The following EML1 variants were observed in gnomAD, a reference collection of about 807,000 sequenced individuals.
The protein encoded by EML1 is EMAP like 1, also known as echinoderm microtubule-associated protein-like 1.
A neutral mutation model predicts 110.4 loss-of-function variants in EML1; 27 were observed. The observed-to-expected ratio is 0.24, with a 90% CI of 0.18 to 0.34. EML1 has a LOEUF of 0.34. Among genes scored for constraint, EML1 ranks in the 10% least tolerant of loss-of-function variants. The probability of loss-of-function intolerance (pLI) is 1.00; values close to 1 mark genes in which losing one functional copy is unlikely to be tolerated. For missense variants in EML1, 741 were observed against 1,030.9 expected (o/e 0.72, Z 3.85); for synonymous variants, 344 against 385.8 (o/e 0.89, Z 1.27).
intron 1 of EML1, among the ~76,000 whole-genome samples, chr14:99,832,208 T>G (rs917301449): frequency 6.6e-6 from 1 of 152,210 alleles, no homozygotes; most frequent in African/African-American, 2.4e-5. Flanking sequence ...GTATCAATGT[T>G]AATATGTTTT....
chr14:99,802,940 C>T (rs527334433), intron 1 of EML1, among the ~76,000 whole-genome samples: 5 of 152,226 alleles, frequency 3.3e-5, no homozygotes, highest in African/African-American at 1.2e-4. Flanking sequence ...CTTTAGCACC[C>T]AGGGCCCCAC....
upstream of EML1, among the ~76,000 whole-genome samples, chr14:99,789,819 G>T (rs1003740713): frequency 6.6e-6 from 1 of 152,178 alleles, no homozygotes. Context: ...TTGTCCTACA[G>T]AGTACACATC....
intron 1 of EML1, among the ~76,000 whole-genome samples, chr14:99,842,379 A>T (rs1308917958): frequency 6.6e-6 from 1 of 152,256 alleles, no homozygotes; most frequent in African/African-American, 2.4e-5. Context: ...GAAGGTTAAG[A>T]ACCTCAGACA....
At chr14:99,747,358 G>C (rs961085584) in intron 1 of EML1, among the ~76,000 whole-genome samples, 1 of 152,088 alleles carries the variant, frequency 6.6e-6, no homozygotes, top group African/African-American at 2.4e-5. Context: ...AGGCAGGCCC[G>C]GGGTGGCACA....
chr14:99,860,593 G>C (rs2058986849), intron 2 of EML1, among the ~76,000 whole-genome samples: 1 of 152,166 alleles, frequency 6.6e-6, no homozygotes, highest in Non-Finnish European at 1.5e-5. Flanking sequence ...ACATGGTAAT[G>C]TGAAAGAAAC....
intron 2 of EML1, 147 bp downstream of exon 2, chr14:99,851,182 A>G (rs2058792549): frequency 5.6e-6 from 5 of 888,070 alleles, no homozygotes; most frequent in Admixed American, 2.8e-5. Context: ...CAACATAATC[A>G]CACGACGTAT....
At chr14:99,919,342 C>CT (rs2140078750) in intron 16 of EML1, among the ~76,000 whole-genome samples, 1 of 151,700 alleles carries the variant, frequency 6.6e-6, no homozygotes, top group Admixed American at 6.6e-5. Context: ...GTAGCAATAT[C>CT]TTAAGTATTG....
At chr14:99,847,068 G>C (rs981482883) in intron 1 of EML1, among the ~76,000 whole-genome samples, 1 of 127,068 alleles carries the variant, frequency 7.9e-6, no homozygotes, top group Admixed American at 7.4e-5. Flanking sequence ...ATTATCATTT[G>C]ATTATTCTAA....
At chr14:99,766,957 A>C (rs1246685010) in intron 1 of EML1, among the ~76,000 whole-genome samples, 1 of 152,214 alleles carries the variant, frequency 6.6e-6, no homozygotes, top group Non-Finnish European at 1.5e-5. Flanking sequence ...TTGAAAATGC[A>C]GCGTGTCCAC....
At chr14:99,756,648 C>T (rs934618438) in intron 1 of EML1, among the ~76,000 whole-genome samples, 4 of 152,146 alleles carry the variant, frequency 2.6e-5, no homozygotes, top group East Asian at 1.9e-4. Context: ...GGTTCTCAAA[C>T]GCTGGTGGGC....
intron 1 of EML1, among the ~76,000 whole-genome samples, chr14:99,796,048 A>G (rs1168699467): frequency 6.6e-6 from 1 of 152,124 alleles, no homozygotes; most frequent in East Asian, 1.9e-4. Flanking sequence ...TTGGCTGGGC[A>G]TGGTGGCTTG....
intron 1 of EML1, among the ~76,000 whole-genome samples, chr14:99,748,742 A>G (rs570236935): frequency 7.2e-5 from 11 of 152,342 alleles, no homozygotes; most frequent in Admixed American, 2.6e-4. Flanking sequence ...AGAGTTGTGC[A>G]ACCATCACCA....
intron 3 of EML1, among the ~76,000 whole-genome samples, chr14:99,873,512 G>A (rs914290725): frequency 6.6e-6 from 1 of 152,180 alleles, no homozygotes; most frequent in Admixed American, 6.5e-5. Flanking sequence ...ATAAATCCAT[G>A]TTTGAGTCTG....
chr14:99,793,658 C>T, intron 1 of EML1, 115 bp downstream of exon 1: 1 of 823,248 alleles, frequency 1.2e-6, no homozygotes, highest in South Asian at 5.3e-5. Flanking sequence ...GGCGAGGCCG[C>T]GCAAAGTTGT....
rs755337159 is a variant in EML1 at position 99,936,205 on chromosome 14, T to G, written c.2008-42T>G. On this transcript the variant is annotated intron_variant, in intron 18 of 21. Transcript: ENST00000262233. The surrounding 1 kb of genome is among the most constrained non-coding windows in gnomAD (Gnocchi z 5.5). ...ACCGTGGAACAGTGTTGGCAGGGAC[T>G]TCTAAGGCCAATGAAATGAAGACAG... is the stretch of plus-strand genomic sequence containing the variant. The G allele has an allele frequency of 6.2e-7, 1 of 1,612,920 alleles. No individual in the cohort carries two copies.
At chr14:99,737,831 C>T in exon 1 of EML1, 1 of 1,289,346 alleles carries the variant, frequency 7.8e-7, no homozygotes, top group African/African-American at 1.5e-5. Flanking sequence ...ATCTTCCACA[C>T]CATGTCGGAC....
chr14:99,907,783 G>T (rs1176685660), intron 10 of EML1, 50 bp downstream of exon 10: 1 of 1,582,078 alleles, frequency 6.3e-7, no homozygotes, highest in African/African-American at 1.3e-5. Context: ...CCCATTCAGA[G>T]CCGCCCTGGC....
At chr14:99,893,579 A>G (rs545426275) in intron 5 of EML1, among the ~76,000 whole-genome samples, 3 of 152,360 alleles carry the variant, frequency 2.0e-5, no homozygotes, top group South Asian at 2.1e-4. Flanking sequence ...GTAATACTGC[A>G]TGTGGCATTG....
chr14:99,908,331 C>G (rs1461317873), intron 10 of EML1, among the ~76,000 whole-genome samples: 1 of 152,244 alleles, frequency 6.6e-6, no homozygotes, highest in African/African-American at 2.4e-5. Context: ...CCTTGACTGA[C>G]CTTTTTCTAT....
Sources: gnomAD v4.1 joint callset for allele counts (sites outside exome capture counted in the v4.1 genomes callset) on GRCh38, gnomAD v4.1.1 for gene constraint, Gnocchi (gnomAD v3.1) non-coding constraint, MANE v1.5 for transcripts, NCBI Gene and HGNC (gene_info 2026-07-23, HGNC 2026-07-21) for gene names.